Variants in ELF5 observed in about 807,000 individuals in gnomAD.
ELF5 encodes the protein E74 like ETS transcription factor 5, also known as ETS-related transcription factor Elf-5.
ELF5 carries 31 observed loss-of-function variants against 38.2 expected under a neutral mutation model. The ratio of observed to expected loss-of-function variants is 0.81; its 90% confidence interval spans 0.61 to 1.10. The LOEUF is 1.10. Ranked by LOEUF, ELF5 falls within the 50% of genes least tolerant of loss-of-function variation. ELF5 has a pLI of 0.00. For synonymous variants in ELF5, 121 were observed against 112.5 expected, an observed-to-expected ratio of 1.08 and a Z score of -0.48; for missense variants, 300 against 306.6, an observed-to-expected ratio of 0.98 and a Z score of 0.16.
chr11:34,506,971 G>T (rs1015617636), intron 1 of ELF5, among the ~76,000 whole-genome samples: 5 of 152,078 alleles, frequency 3.3e-5, no homozygotes, highest in Admixed American at 6.6e-5. Flanking sequence ...GTCCTGAATT[G>T]ATGTTATATA....
chr11:34,496,139 G>A (rs117701309), intron 2 of ELF5, among the ~76,000 whole-genome samples: 2,141 of 152,346 alleles, frequency 0.014, 45 homozygotes, highest in African/African-American at 0.048. Context: ...AAGCCAAGGG[G>A]GCCTCAAGGA....
chr11:34,505,869 A>C, intron 1 of ELF5, 116 bp from the exon 2 acceptor site: 2 of 1,291,998 alleles, frequency 1.5e-6, no homozygotes, highest in Non-Finnish European at 1.0e-6. Flanking sequence ...CAAATATGTC[A>C]CTCACTAGGA....
At position 34,480,830 on chromosome 11, in the gene ELF5, A is replaced by G. The variant is rs1856922667; in HGVS notation, c.613T>C (p.Trp205Arg). 3 of 1,613,848 alleles carry G rather than the reference A, an allele frequency of 1.9e-6. No individual in the cohort carries two copies. Among genetic ancestry groups the G allele is most frequent in the South Asian group, 1.1e-5 (1 of 91,070 alleles). The change falls in exon 6 of 7, where the codon TGG (tryptophan) becomes CGG (arginine). Residue 205 changes from tryptophan to arginine, a missense_variant. Coordinates refer to ENST00000257832, the MANE Select transcript of ELF5 (RefSeq NM_001422.4). ...VVKSEALAKM[W>R]GQRKKNDRMT... The stretch of plus-strand genomic sequence containing the variant: ...CTGTCATTTTTCTTCCTTTGTCCCC[A>G]CATCTTTGCCAGGGCTTCCGATTTA...
intron 4 of ELF5, among the ~76,000 whole-genome samples, chr11:34,487,916 A>G (rs533554204): frequency 1.3e-5 from 2 of 152,228 alleles, no homozygotes; most frequent in Non-Finnish European, 2.9e-5. Context: ...TGCTAGACTC[A>G]CTGGCCTTCT....
chr11:34,483,598 C>T (rs939549144), intron 4 of ELF5, among the ~76,000 whole-genome samples: 2 of 151,942 alleles, frequency 1.3e-5, no homozygotes, highest in African/African-American at 4.8e-5. Flanking sequence ...TACTATACCA[C>T]ACCATACTGT....
intron 2 of ELF5, among the ~76,000 whole-genome samples, chr11:34,497,956 C>A (rs1240678763): frequency 1.3e-5 from 2 of 152,142 alleles, no homozygotes; most frequent in Non-Finnish European, 2.9e-5. Flanking sequence ...ATAATATTTT[C>A]TTCAAGTTAA....
At chr11:34,502,062 A>G (rs1361498213) in intron 2 of ELF5, among the ~76,000 whole-genome samples, 1 of 152,136 alleles carries the variant, frequency 6.6e-6, no homozygotes, top group African/African-American at 2.4e-5. Context: ...TTTCCACCCA[A>G]CAGGGAGTGG....
In ELF5 at chr11:34,503,986, G is replaced by A. The variant is rs182179987; in HGVS notation, c.121+1643C>T. Among the ~76,000 whole-genome samples the A allele has an allele frequency of 6.6e-4, 100 of 152,270 alleles. 1 individual carries two copies. The highest frequency in any genetic ancestry group is 6.8e-3 in the Middle Eastern group (2 of 294). The stretch of plus-strand genomic sequence containing the variant: ...CACCAGGTCTTCATGACACAGAGCC[G>A]CTGCTTCACTGCCCAGGCCATTGCC... On this transcript the variant is annotated intron_variant, in intron 2 of 6. Transcript: ENST00000257832.
Position 34,479,992 on chromosome 11 carries a change from C to A in ELF5, c.*226G>T. 1.9e-6 allele frequency: 1 copy of A among 532,584 alleles called. No homozygotes were observed. The highest frequency in any genetic ancestry group is 3.3e-6 in the Non-Finnish European group (1 of 301,300). The allele number at this position is 532,584 out of a possible 1,614,324, so 33.0% of individuals were successfully genotyped here. ...GATCAAGACACCACAAAAGATCATCCCCTCATCCCCTTAGGGAGAAGAAAG... is the reference window on the plus strand; with the variant it reads ...GATCAAGACACCACAAAAGATCATCACCTCATCCCCTTAGGGAGAAGAAAG... On this transcript the variant is annotated 3_prime_UTR_variant, in exon 7 of 7. Coordinates refer to ENST00000257832, the MANE Select transcript of ELF5 (RefSeq NM_001422.4).
At position 34,505,626 on chromosome 11, in the gene ELF5, C is replaced by T. The variant is rs1431827005; in HGVS notation, c.121+3G>A. 6.2e-7 allele frequency: 1 copy of T among 1,613,800 alleles called. No homozygotes were observed. Among genetic ancestry groups the T allele is most frequent in the South Asian group, 1.1e-5 (1 of 91,026 alleles). Reference sequence around the variant, plus strand: ...TCAGATGGGCTCCTTCAAATGTACGCACCTGTCTGATGCTCAAAGGCAGGG... The same window carrying T: ...TCAGATGGGCTCCTTCAAATGTACGTACCTGTCTGATGCTCAAAGGCAGGG... On this transcript the variant is annotated splice_donor_region_variant and intron_variant, in intron 2 of 6. Coordinates refer to ENST00000257832, the MANE Select transcript of ELF5 (RefSeq NM_001422.4).
intron 2 of ELF5, among the ~76,000 whole-genome samples, chr11:34,501,717 G>T (rs1298264795): frequency 6.6e-6 from 1 of 152,074 alleles, no homozygotes. Flanking sequence ...CCTCCTGCCT[G>T]CAGTGCAGCC....
chr11:34,505,735 C>T lies in ELF5; in HGVS notation c.15G>A (p.Val5=), dbSNP rs778284932. ...CATTAGGCAGGAAGGTGCTGTGTGT[C>T]ACCGAGTCCAACATTACCCTGCAAC... MLDS[V]THSTFLPNAS... Residue 5 remains valine, a synonymous_variant, in exon 2 of 7, where the codon GTG becomes GTA. Coordinates refer to ENST00000257832, the MANE Select transcript of ELF5 (RefSeq NM_001422.4). 1 of 1,613,794 alleles carries T rather than the reference C, an allele frequency of 6.2e-7. No individual in the cohort carries two copies. The highest frequency in any genetic ancestry group is 1.1e-5 in the South Asian group (1 of 90,978).
intron 2 of ELF5, among the ~76,000 whole-genome samples, chr11:34,502,402 C>G (rs1341857907): frequency 6.6e-6 from 1 of 152,238 alleles, no homozygotes; most frequent in Non-Finnish European, 1.5e-5. Context: ...AGAGGCAAAG[C>G]TGGCTGTCTC....
chr11:34,482,288 G>A (rs995782532), intron 5 of ELF5, 143 bp downstream of exon 5: 2 of 742,710 alleles, frequency 2.7e-6, no homozygotes, highest in Non-Finnish European at 4.6e-6. Flanking sequence ...ACGTATAAAA[G>A]CAATCACTGA....
Position 34,484,482 on chromosome 11 carries a change from A to ACTATCCTATACTATC in ELF5, c.407-1984_407-1983insGATAGTATAGGATAG, listed in dbSNP as rs769315692. 8.0e-3 allele frequency among the ~76,000 whole-genome samples: 169 copies of ACTATCCTATACTATC among 21,222 alleles called. 1 individual carries two copies. Among genetic ancestry groups the ACTATCCTATACTATC allele is most frequent in the African/African-American group, 0.017 (164 of 9,862 alleles). The allele number at this position is 21,222 out of a possible 152,430, so 13.9% of individuals were successfully genotyped here. A position where few individuals can be genotyped will look rare whatever the true frequency, so the allele number is the denominator to read the frequency against. On this transcript the variant is annotated intron_variant, in intron 4 of 6. Transcript: ENST00000257832. ...TACTGTACTGTGCTACACTATACTA[A>ACTATCCTATACTATC]CTATACTATACTATACTATACTATA...
chr11:34,485,650 C>T lies in ELF5; in HGVS notation c.407-3151G>A, dbSNP rs1849973094. ...GGGTTTATGAGGCTGATGGGAATTT[C>T]TTCCGTGGGTCTTGCCGAGATAACC... On this transcript the variant is annotated intron_variant, in intron 4 of 6. Coordinates refer to ENST00000257832, the MANE Select transcript of ELF5 (RefSeq NM_001422.4). 1.3e-5 allele frequency among the ~76,000 whole-genome samples: 2 copies of T among 152,198 alleles called. 1 individual carries two copies. The highest frequency in any genetic ancestry group is 4.1e-4 in the South Asian group (2 of 4,826).
intron 2 of ELF5, among the ~76,000 whole-genome samples, 174 bp from the exon 3 acceptor site, chr11:34,493,886 C>G (rs921822516): frequency 1.3e-5 from 2 of 152,126 alleles, no homozygotes; most frequent in Non-Finnish European, 2.9e-5. Flanking sequence ...GCAGAGAAAA[C>G]CAGAGGGACT....
intron 1 of ELF5, among the ~76,000 whole-genome samples, chr11:34,512,709 G>A (rs1850793004): frequency 6.6e-6 from 1 of 151,988 alleles, no homozygotes; most frequent in African/African-American, 2.4e-5. Context: ...CCACTCTGGT[G>A]ACTTCTGAAA....
intron 4 of ELF5, among the ~76,000 whole-genome samples, chr11:34,489,553 T>C (rs1353200477): frequency 6.6e-6 from 1 of 152,192 alleles, no homozygotes; most frequent in African/African-American, 2.4e-5. Flanking sequence ...ACAAGGCTAT[T>C]TGAGATCCTC....
Sources: gnomAD v4.1 joint callset for allele counts (sites outside exome capture counted in the v4.1 genomes callset) on GRCh38, gnomAD v4.1.1 for gene constraint, MANE v1.5 for transcripts, NCBI Gene and HGNC (gene_info 2026-07-23, HGNC 2026-07-21) for gene names.